THSD7B: variants seen among roughly 807,000 people sequenced by gnomAD.
The protein encoded by THSD7B is thrombospondin type 1 domain containing 7B.
THSD7B carries 138 observed loss-of-function variants against 213.6 expected under a neutral mutation model. The observed-to-expected ratio is 0.65, with a 90% confidence interval of 0.56 to 0.74. THSD7B has a LOEUF of 0.74. THSD7B is among the 30% of genes least tolerant of loss of function. THSD7B has a pLI of 0.00. For missense variants in THSD7B, 1,931 were observed against 1,991.5 expected, an observed-to-expected ratio of 0.97 and a Z score of 0.58; for synonymous variants, 742 against 687.0, an observed-to-expected ratio of 1.08 and a Z score of -1.25.
intron 20 of THSD7B, among the ~76,000 whole-genome samples, chr2:137,632,509 A>G (rs1444065752): frequency 6.6e-6 from 1 of 152,156 alleles, no homozygotes; most frequent in Non-Finnish European, 1.5e-5. Context: ...GAAATTGCTC[A>G]TTGTGGGTAT....
chr2:136,988,908 A>G (rs1685714987), intron 2 of THSD7B, among the ~76,000 whole-genome samples: 1 of 152,272 alleles, frequency 6.6e-6, no homozygotes, highest in Non-Finnish European at 1.5e-5. Context: ...ACAATGAATC[A>G]GAAAAACAAA....
intron 17 of THSD7B, among the ~76,000 whole-genome samples, chr2:137,605,069 T>C (rs906021739): frequency 2.0e-5 from 3 of 152,186 alleles, no homozygotes; most frequent in African/African-American, 7.2e-5. Context: ...ATAGAGAGCA[T>C]CTTCTCACCT....
At chr2:137,062,424 G>A (rs1687295312) in intron 3 of THSD7B, among the ~76,000 whole-genome samples, 1 of 151,198 alleles carries the variant, frequency 6.6e-6, no homozygotes, top group African/African-American at 2.4e-5. Flanking sequence ...TGGAAACTTA[G>A]GTTACTCATT....
At chr2:137,028,749 G>A (rs1353772298) in intron 2 of THSD7B, among the ~76,000 whole-genome samples, 2 of 152,224 alleles carry the variant, frequency 1.3e-5, no homozygotes, top group East Asian at 3.9e-4. Flanking sequence ...GTGATGGGAT[G>A]CTGGAGGTTT....
intron 12 of THSD7B, among the ~76,000 whole-genome samples, chr2:137,389,835 G>A (rs139967687): frequency 1.8e-4 from 27 of 152,082 alleles, no homozygotes; most frequent in African/African-American, 5.5e-4. Flanking sequence ...TTTCTTTTCA[G>A]CAATGTATGT....
chr2:137,523,372 T>C (rs1012564310), intron 15 of THSD7B, among the ~76,000 whole-genome samples: 1 of 152,228 alleles, frequency 6.6e-6, no homozygotes, highest in Non-Finnish European at 1.5e-5. Flanking sequence ...GCATTTGTTT[T>C]AGAGGTTAGG....
intron 14 of THSD7B, among the ~76,000 whole-genome samples, chr2:137,427,233 G>C (rs1328842446): frequency 2.0e-5 from 3 of 152,120 alleles, no homozygotes; most frequent in Non-Finnish European, 4.4e-5. Flanking sequence ...ACAGTATGGA[G>C]TTTCCTTAAC....
chr2:137,291,013 A>G (rs139441173), intron 12 of THSD7B, among the ~76,000 whole-genome samples: 4 of 152,242 alleles, frequency 2.6e-5, no homozygotes, highest in South Asian at 2.1e-4. Context: ...CAACTGCCCA[A>G]TAATTTTCAG....
At chr2:137,058,881 G>C (rs1042730222) in intron 3 of THSD7B, among the ~76,000 whole-genome samples, 2 of 152,078 alleles carry the variant, frequency 1.3e-5, no homozygotes, top group African/African-American at 4.8e-5. Flanking sequence ...GACTATGCTG[G>C]TACCCTGGTC....
chr2:136,891,772 C>T (rs1683864389), intron 2 of THSD7B, among the ~76,000 whole-genome samples: 1 of 152,188 alleles, frequency 6.6e-6, no homozygotes, highest in African/African-American at 2.4e-5. Context: ...CACAGCAGTT[C>T]CATCCATGTT....
intron 2 of THSD7B, among the ~76,000 whole-genome samples, chr2:136,913,853 C>A (rs532660365): frequency 5.9e-4 from 90 of 152,346 alleles, no homozygotes; most frequent in African/African-American, 2.1e-3. Flanking sequence ...TCTGCTAGGG[C>A]AGTGCAGAAG....
chr2:136,830,629 C>T (rs1292304944), intron 1 of THSD7B, among the ~76,000 whole-genome samples: 1 of 152,104 alleles, frequency 6.6e-6, no homozygotes, highest in Non-Finnish European at 1.5e-5. Context: ...TTCTCTCTAT[C>T]CTTTCAGACT....
At chr2:136,926,726 CAG>C (rs1403457752) in intron 2 of THSD7B, among the ~76,000 whole-genome samples, 3 of 151,414 alleles carry the variant, frequency 2.0e-5, no homozygotes, top group African/African-American at 7.3e-5. Context: ...ACACAAAAAA[CAG>C]TGCTCATGAG....
In THSD7B at chr2:136,810,561, T is replaced by G. The variant is rs147703357; in HGVS notation, c.-36+44874T>G. 3.4e-3 allele frequency among the ~76,000 whole-genome samples: 524 copies of G among 152,348 alleles called. 14 individuals carry two copies. Among genetic ancestry groups the G allele is most frequent in the Admixed American group, 0.031 (477 of 15,310 alleles). On this transcript the variant is annotated intron_variant, in intron 1 of 27. Transcript: ENST00000409968. ...CAGTGCTGAAATGGTGTGCTTTCTC[T>G]GAGAAAGTCTTAATCAAGCTGGTTG...
At chr2:137,164,420 A>G (rs549512025) in intron 6 of THSD7B, among the ~76,000 whole-genome samples, 14 of 152,316 alleles carry the variant, frequency 9.2e-5, no homozygotes, top group African/African-American at 3.4e-4. Context: ...GAACACTTTT[A>G]CACTGTTGGT....
At chr2:136,844,283 C>T (rs757898864) in intron 1 of THSD7B, among the ~76,000 whole-genome samples, 1 of 152,068 alleles carries the variant, frequency 6.6e-6, no homozygotes, top group Non-Finnish European at 1.5e-5. Context: ...TGAAAGCTAC[C>T]AGCATTCCTA....
At chr2:137,453,877 C>A (rs1368765018) in intron 15 of THSD7B, among the ~76,000 whole-genome samples, 1 of 152,084 alleles carries the variant, frequency 6.6e-6, no homozygotes, top group Non-Finnish European at 1.5e-5. Context: ...GCTTTTTGTG[C>A]CTGGATTATT....
At position 137,663,562 on chromosome 2, in the gene THSD7B, A is replaced by T. The variant is rs1683393031; in HGVS notation, c.4638A>T (p.Gln1546His). The T allele has an allele frequency of 6.2e-7, 1 of 1,606,606 alleles. No individual in the cohort carries two copies. The highest frequency in any genetic ancestry group is 1.3e-5 in the African/African-American group (1 of 74,814). Residue 1546 changes from glutamine to histidine, a missense_variant, in exon 26 of 28, where the codon CAA (glutamine) becomes CAT (histidine). Coordinates refer to ENST00000409968, the MANE Select transcript of THSD7B (RefSeq NM_001316349.2). Reference sequence around the variant, plus strand: ...ATATTTTTAAAGGATGGTCTCTTCAACCACTTGATCCAGGTGAGTTTCAGT... The same window carrying T: ...ATATTTTTAAAGGATGGTCTCTTCATCCACTTGATCCAGGTGAGTTTCAGT... ...IHDIFKGWSL[Q>H]PLDPDGRVKI... is the part of the protein sequence containing the mutation.
chr2:136,945,743 T>C (rs1684925133), intron 2 of THSD7B, among the ~76,000 whole-genome samples: 1 of 152,180 alleles, frequency 6.6e-6, no homozygotes, highest in South Asian at 2.1e-4. Flanking sequence ...CTGAGACCCT[T>C]TCTTCCACTT....
Sources: allele counts gnomAD v4.1 joint callset (sites outside exome capture counted in the v4.1 genomes callset), GRCh38; gene constraint gnomAD v4.1.1; transcripts MANE v1.5; gene names NCBI Gene and HGNC (gene_info 2026-07-23, HGNC 2026-07-21).